Variants in WASHC5 observed in about 807,000 individuals in gnomAD.
WASHC5 encodes WASH complex subunit 5.
WASHC5 carries 101 observed loss-of-function variants against 150.4 expected under a neutral mutation model. The observed-to-expected ratio is 0.67, with a 90% CI of 0.57 to 0.79. The LOEUF (loss-of-function observed/expected upper bound fraction) is 0.79, where lower values mean the gene tolerates loss of function less well. WASHC5 is among the 30% of genes least tolerant of loss of function. The pLI is 0.00. For missense variants in WASHC5, 1,195 were observed against 1,396.3 expected (o/e 0.86, Z 2.30); for synonymous variants, 467 against 491.2 (o/e 0.95, Z 0.65).
chr8:125,054,960 C>G (rs1432846548), intron 17 of WASHC5, among the ~76,000 whole-genome samples: 1 of 147,206 alleles, frequency 6.8e-6, no homozygotes, highest in Non-Finnish European at 1.5e-5. Context: ...TTTTTTTTTG[C>G]TTTTCCCAAA....
chr8:125,071,452 TC>T lies in WASHC5; in HGVS notation c.1150+1700del, dbSNP rs1381452923. ...AATCTACCTTAAATAAGCACTCTGG[TC>T]CAGCCAGGTCATCAACTCAGTGGGC... On this transcript the variant is annotated intron_variant, in intron 9 of 28. Transcript: ENST00000318410. Among the ~76,000 whole-genome samples, 5 of 152,186 alleles carry T rather than the reference TC, an allele frequency of 3.3e-5. No homozygotes were observed. In the South Asian group the frequency reaches 8.3e-4, roughly 25 times the overall value.
intron 1 of WASHC5, among the ~76,000 whole-genome samples, chr8:125,088,238 G>GTTCGAGACC (rs202011673): frequency 0.026 from 4,001 of 151,892 alleles, 194 homozygotes; most frequent in African/African-American, 0.093. Context: ...GAGGTTAGGA[G>GTTCGAGACC]AGCCGGGATC....
intron 3 of WASHC5, 77 bp from the exon 4 acceptor site, chr8:125,082,544 AAAGAT>A (rs1232186214): frequency 3.3e-6 from 3 of 902,146 alleles, no homozygotes; most frequent in South Asian, 2.8e-5. Context: ...AAGATTTTTA[AAAGAT>A]AAGGCAGGAT....
intron 18 of WASHC5, among the ~76,000 whole-genome samples, chr8:125,050,009 T>C (rs937727476): frequency 2.0e-5 from 3 of 149,624 alleles, no homozygotes; most frequent in Non-Finnish European, 2.9e-5. Flanking sequence ...AAGCCTCATA[T>C]AAAGAAATAA....
intron 15 of WASHC5, 118 bp downstream of exon 15, chr8:125,057,438 T>G: frequency 1.3e-6 from 1 of 741,502 alleles, no homozygotes; most frequent in Non-Finnish European, 2.3e-6. Flanking sequence ...ATTTCTGGAA[T>G]CAAATTTTTA....
intron 23 of WASHC5, among the ~76,000 whole-genome samples, chr8:125,042,322 C>T (rs969118076): frequency 1.3e-5 from 2 of 152,134 alleles, no homozygotes; most frequent in African/African-American, 4.8e-5. Flanking sequence ...AATTGCATTT[C>T]ACTGTCCCAC....
chr8:125,055,556 T>C (rs535893052), intron 17 of WASHC5, 35 bp downstream of exon 17: 14 of 1,245,444 alleles, frequency 1.1e-5, no homozygotes, highest in South Asian at 1.1e-4. Context: ...CTAAGAGTCA[T>C]GGTGCGAGGC....
intron 26 of WASHC5, among the ~76,000 whole-genome samples, chr8:125,034,003 G>A (rs1815620573): frequency 6.6e-6 from 1 of 151,970 alleles, no homozygotes; most frequent in Non-Finnish European, 1.5e-5. Flanking sequence ...TATCTAATAA[G>A]GAACTTGTAT....
intron 2 of WASHC5, among the ~76,000 whole-genome samples, 198 bp from the exon 3 acceptor site, chr8:125,083,456 T>A (rs1817332002): frequency 6.6e-6 from 1 of 152,206 alleles, no homozygotes; most frequent in South Asian, 2.1e-4. Context: ...GACCCAAGAT[T>A]AGCATGCTTT....
chr8:125,082,941 C>T, intron 3 of WASHC5, 172 bp downstream of exon 3: 2 of 541,854 alleles, frequency 3.7e-6, no homozygotes, highest in Non-Finnish European at 6.5e-6. Flanking sequence ...TATAGTAAAA[C>T]TTCAAAATTC....
In WASHC5 at chr8:125,039,862, T is replaced by G. The variant is rs771735577; in HGVS notation, c.2887A>C (p.Asn963His). The G allele has an allele frequency of 1.9e-6, 3 of 1,613,954 alleles. No individual in the cohort carries two copies. Among genetic ancestry groups the G allele is most frequent in the East Asian group, 2.2e-5 (1 of 44,850 alleles). Residue 963 changes from asparagine (N) to histidine (H), a missense_variant, in exon 24 of 29, where the codon AAT (asparagine) becomes CAT (histidine). Around this residue, in one of 3 missense-constraint regions of WASHC5, gnomAD observed 997 missense variants for 1,168.1 expected, o/e 0.85. Transcript: ENST00000318410. The part of the protein sequence containing the change: ...QMQILRQQIA[N>H]ELNYSCRFDS... ...AACCGACAAGAATAATTTAATTCAT[T>G]GGCAATCTGTTGTCTCAGAATCTGC...
chr8:125,024,518 A>G lies in WASHC5; in HGVS notation c.*99T>C. The G allele has an allele frequency of 2.3e-6, 2 of 868,784 alleles. No individual in the cohort carries two copies. Among genetic ancestry groups the G allele is most frequent in the Non-Finnish European group, 4.0e-6 (2 of 505,462 alleles). The allele number at this position is 868,784 out of a possible 1,614,324, so 53.8% of individuals were successfully genotyped here. On this transcript the variant is annotated 3_prime_UTR_variant, in exon 29 of 29. Transcript: ENST00000318410. Reference sequence around the variant, plus strand: ...TTCCCATAATAGACAGAAAAAATGCAGTTGTATGAGCAACTGAGTTTCTTT... The same window carrying G: ...TTCCCATAATAGACAGAAAAAATGCGGTTGTATGAGCAACTGAGTTTCTTT...
intron 12 of WASHC5, among the ~76,000 whole-genome samples, chr8:125,060,702 T>C (rs1002891688): frequency 3.3e-5 from 5 of 152,308 alleles, no homozygotes; most frequent in African/African-American, 1.2e-4. Context: ...TTCATTTTTG[T>C]GTATTCCTTT....
chr8:125,044,496 C>G (rs1427267105), intron 21 of WASHC5, 40 bp downstream of exon 21: 1 of 1,610,294 alleles, frequency 6.2e-7, no homozygotes, highest in Non-Finnish European at 8.5e-7. Context: ...GCCTCTCCCC[C>G]AGGGTGGCAG....
chr8:125,024,819 C>T (rs902660169), intron 28 of WASHC5, 146 bp from the exon 29 acceptor site: 27 of 656,258 alleles, frequency 4.1e-5, no homozygotes, highest in Middle Eastern at 8.2e-4. Flanking sequence ...GAAACAGCCC[C>T]TTTCTGCTTG....
chr8:125,051,302 A>G (rs1041708103), intron 17 of WASHC5, among the ~76,000 whole-genome samples: 1 of 152,250 alleles, frequency 6.6e-6, no homozygotes, highest in Admixed American at 6.5e-5. Flanking sequence ...TCAGATCCAT[A>G]AAACATCAAA....
At chr8:125,041,613 C>T (rs1216131513) in intron 23 of WASHC5, among the ~76,000 whole-genome samples, 1 of 151,774 alleles carries the variant, frequency 6.6e-6, no homozygotes, top group East Asian at 1.9e-4. Context: ...TGCACTCCAG[C>T]CCAGGCGACA....
chr8:125,073,458 C>T (rs1816963159), intron 8 of WASHC5, 134 bp from the exon 9 acceptor site: 2 of 784,044 alleles, frequency 2.6e-6, no homozygotes, highest in African/African-American at 1.7e-5. Context: ...AGTTATAGGG[C>T]TCGAAGATAA....
At chr8:125,077,901 AAAC>A (rs765826179) in intron 6 of WASHC5, among the ~76,000 whole-genome samples, 47 of 152,142 alleles carry the variant, frequency 3.1e-4, no homozygotes, top group African/African-American at 7.0e-4. Context: ...AATTGTCTTA[AAAC>A]AACAACAACA....
Sources: allele counts gnomAD v4.1 joint callset (sites outside exome capture counted in the v4.1 genomes callset), GRCh38; gene constraint gnomAD v4.1.1; regional missense constraint gnomAD v4.1.1; transcripts MANE v1.5; gene names NCBI Gene and HGNC (gene_info 2026-07-23, HGNC 2026-07-21).